RBPJ: variants seen among roughly 807,000 people sequenced by gnomAD.
RBPJ encodes the protein recombination signal binding protein for immunoglobulin kappa J region, also known as recombining binding protein suppressor of hairless.
RBPJ carries 9 observed loss-of-function variants against 67.8 expected under a neutral mutation model. The observed-to-expected ratio is 0.13, with a 90% CI of 0.08 to 0.23. The LOEUF (loss-of-function observed/expected upper bound fraction) is 0.23. RBPJ is among the 10% of genes least tolerant of loss of function. The pLI is 1.00. For synonymous variants in RBPJ, 198 were observed against 203.3 expected (o/e 0.97, Z 0.22); for missense variants, 305 against 595.6 (o/e 0.51, Z 5.08).
At chr4:26,336,201 C>T (rs185360840) in intron 1 of RBPJ, among the ~76,000 whole-genome samples, 2 of 152,264 alleles carry the variant, frequency 1.3e-5, no homozygotes, top group African/African-American at 4.8e-5. Context: ...ATCCCAGCTC[C>T]CAGAGATATG....
In RBPJ at chr4:26,262,048, C is replaced by T. The variant is rs374444180; in HGVS notation, c.-167+98434C>T. ...GCAGCCTTGGCCTCCTGGGCTCAAG[C>T]GGTCCTCCCACCTCAGCCTCCTAAG... On this transcript the variant is annotated intron_variant, in intron 1 of 4. Transcript: ENST00000512351. Among the ~76,000 whole-genome samples, 31 of 152,292 alleles carry T rather than the reference C, an allele frequency of 2.0e-4. No individual in the cohort carries two copies. The South Asian group carries it at 5.4e-3, about 26-fold the overall frequency.
intron 1 of RBPJ, among the ~76,000 whole-genome samples, chr4:26,173,099 G>GT (rs1183513888): frequency 1.3e-5 from 2 of 152,156 alleles, no homozygotes; most frequent in Non-Finnish European, 2.9e-5. Flanking sequence ...AAGAACTGGG[G>GT]TAAGGGACTA....
rs181105268 is a variant in RBPJ, at chr4:26,343,201, A to G, written c.20+22153A>G. The G allele has an allele frequency of 2.0e-5, 3 of 152,362 alleles. No individual in the cohort carries two copies. The East Asian group carries it at 5.8e-4, about 29-fold the overall frequency. 9.4% of individuals were successfully genotyped at this position (152,362 alleles called of 1,614,324 possible). A position where few individuals can be genotyped will look rare whatever the true frequency, so the allele number is the denominator to read the frequency against. On this transcript the variant is annotated intron_variant, in intron 1 of 10. Transcript: ENST00000355476. ...TTTCAGCAGGGCGAGTTAGGACGGC[A>G]CAAACTGAGAGTTTCTGTTCTGGTA...
the RBPJ span, among the ~76,000 whole-genome samples, chr4:26,111,530 G>T: frequency 6.6e-6 from 1 of 152,210 alleles, no homozygotes; most frequent in African/African-American, 2.4e-5. Flanking sequence ...TGCATGGCTG[G>T]CTTTTGGGGC....
At chr4:26,372,854 G>GT (rs1383137108) in intron 1 of RBPJ, among the ~76,000 whole-genome samples, 3 of 152,138 alleles carry the variant, frequency 2.0e-5, no homozygotes, top group Admixed American at 6.6e-5. Context: ...CTCCTGTGCT[G>GT]TTTTTTTCCC....
At chr4:26,111,568 A>G in the RBPJ span, among the ~76,000 whole-genome samples, 1 of 152,118 alleles carries the variant, frequency 6.6e-6, no homozygotes, top group Non-Finnish European at 1.5e-5. Context: ...TACGATATGC[A>G]TGTGCATCCC....
chr4:26,320,465 C>A (rs1722898565), upstream of RBPJ: 2 of 409,210 alleles, frequency 4.9e-6, no homozygotes, highest in Non-Finnish European at 4.4e-6. Flanking sequence ...CGCTCCTGCA[C>A]CAAACGCCGA....
chr4:26,255,541 G>T (rs1326991058), intron 1 of RBPJ, among the ~76,000 whole-genome samples: 4 of 151,258 alleles, frequency 2.6e-5, no homozygotes, highest in Non-Finnish European at 5.9e-5. Flanking sequence ...GGTGGCTCAA[G>T]CCTGTAATCC....
chr4:26,385,123 C>T (rs199621605), intron 1 of RBPJ, among the ~76,000 whole-genome samples: 8 of 149,378 alleles, frequency 5.4e-5, no homozygotes, highest in African/African-American at 1.7e-4. Context: ...TGGGTTCAAG[C>T]GATTCTCCTG....
upstream of RBPJ, chr4:26,320,864 G>GCGCGAGGCGTCTGGCT: frequency 6.4e-7 from 1 of 1,572,764 alleles, no homozygotes; most frequent in Non-Finnish European, 8.6e-7. Flanking sequence ...TCTGCGGGCG[G>GCGCGAGGCGTCTGGCT]CGCGAGGCGT....
At chr4:26,300,280 T>G (rs926309409) in intron 1 of RBPJ, among the ~76,000 whole-genome samples, 5 of 152,078 alleles carry the variant, frequency 3.3e-5, no homozygotes, top group Non-Finnish European at 7.4e-5. Flanking sequence ...ATGATAAATG[T>G]TAATAGTTGG....
At chr4:26,406,303 T>C (rs767899641) in intron 3 of RBPJ, 33 bp downstream of exon 3, 4 of 1,386,850 alleles carry the variant, frequency 2.9e-6, no homozygotes, top group Non-Finnish European at 4.1e-6. Context: ...TAGTTAATTG[T>C]AGTTACCACA....
At chr4:26,365,944 G>T (rs574585703) in intron 1 of RBPJ, among the ~76,000 whole-genome samples, 13 of 152,336 alleles carry the variant, frequency 8.5e-5, no homozygotes, top group Admixed American at 7.8e-4. Context: ...TATTGTGATG[G>T]TTATCAACTC....
chr4:26,222,970 G>A (rs998383295), intron 1 of RBPJ, among the ~76,000 whole-genome samples: 2 of 151,628 alleles, frequency 1.3e-5, no homozygotes, highest in African/African-American at 2.4e-5. Flanking sequence ...CCTGACCAAC[G>A]TAGTGAAACC....
chr4:26,354,731 T>C (rs1272376334), intron 1 of RBPJ, among the ~76,000 whole-genome samples: 1 of 152,174 alleles, frequency 6.6e-6, no homozygotes, highest in Non-Finnish European at 1.5e-5. Context: ...GTTACAGGCA[T>C]GAGCCACATG....
At chr4:26,378,018 G>A (rs1019697613) in intron 1 of RBPJ, among the ~76,000 whole-genome samples, 1 of 152,040 alleles carries the variant, frequency 6.6e-6, no homozygotes, top group East Asian at 1.9e-4. Context: ...GAGAAATGTA[G>A]ACCTCATTTC....
intron 1 of RBPJ, among the ~76,000 whole-genome samples, chr4:26,270,021 C>T (rs1011039034): frequency 1.3e-5 from 2 of 151,868 alleles, no homozygotes; most frequent in Admixed American, 1.3e-4. Context: ...GCGGCTCAGA[C>T]CTGTAATCTC....
At chr4:26,402,954 GAT>G (rs1279021116) in intron 2 of RBPJ, among the ~76,000 whole-genome samples, 3 of 152,188 alleles carry the variant, frequency 2.0e-5, no homozygotes, top group Non-Finnish European at 4.4e-5. Flanking sequence ...CAAAACAAAA[GAT>G]ACATAGAGTT....
At chr4:26,139,359 C>T in the RBPJ span, among the ~76,000 whole-genome samples, 2 of 152,210 alleles carry the variant, frequency 1.3e-5, no homozygotes, top group African/African-American at 2.4e-5. Flanking sequence ...TGGGATTCTG[C>T]GAGGGACCAG....
Sources: allele counts gnomAD v4.1 joint callset (sites outside exome capture counted in the v4.1 genomes callset), GRCh38; gene constraint gnomAD v4.1.1; transcripts MANE v1.5; gene names NCBI Gene and HGNC (gene_info 2026-07-23, HGNC 2026-07-21).